The following ADH1B variants were observed in gnomAD, a reference collection of about 807,000 sequenced individuals.
ADH1B encodes the protein all-trans-retinol dehydrogenase [NAD(+)] ADH1B.
A neutral mutation model predicts 34.6 loss-of-function variants in ADH1B; 29 were observed. The observed-to-expected ratio is 0.84, with a 90% CI of 0.62 to 1.14. The LOEUF is 1.14. ADH1B is among the 50% of genes most tolerant of loss of function. The pLI is 0.00. For missense variants in ADH1B, 424 were observed against 468.4 expected, an observed-to-expected ratio of 0.91 and a Z score of 0.87; for synonymous variants, 170 against 175.5, an observed-to-expected ratio of 0.97 and a Z score of 0.25.
chr4:99,316,164 T>C, intron 4 of ADH1B, 47 bp from the exon 5 acceptor site: 1 of 1,613,998 alleles, frequency 6.2e-7, no homozygotes, highest in Non-Finnish European at 8.5e-7. Flanking sequence ...GACAGGAGCA[T>C]AAGTAATGTG....
In ADH1B at chr4:99,311,508, C is replaced by T; in HGVS notation, c.964+13G>A. 1 of 1,610,378 alleles carries T rather than the reference C, an allele frequency of 6.2e-7. No homozygotes were observed. The highest frequency in any genetic ancestry group is 1.7e-4 in the Middle Eastern group (1 of 6,040). Reference sequence around the variant, plus strand: ...GATTAATGAGAATTTGGCACTTGAGCCCAACTACATACCACCATAAACAGC... The same window carrying T: ...GATTAATGAGAATTTGGCACTTGAGTCCAACTACATACCACCATAAACAGC... On this transcript the variant is annotated intron_variant, in intron 7 of 8. Transcript: ENST00000305046.
intron 6 of ADH1B, 120 bp downstream of exon 6, chr4:99,313,701 G>T: frequency 6.5e-7 from 1 of 1,546,298 alleles, no homozygotes; most frequent in South Asian, 1.2e-5. Flanking sequence ...ACAAACAGAT[G>T]ATGGGAAATT....
rs1458778166 is a variant in ADH1B at position 99,315,953 on chromosome 4, C to A, written c.512G>T (p.Cys171Phe). Residue 171 changes from cysteine to phenylalanine, a missense_variant, in exon 5 of 9, where the codon TGC (cysteine) becomes TTC (phenylalanine). Around this residue, in one of 3 missense-constraint regions of ADH1B, gnomAD observed 291 missense variants for 300.4 expected, o/e 0.97. Transcript: ENST00000305046. The stretch of plus-strand genomic sequence containing the variant: ...AGTCGAGAATCCACAGCCAATGAGG[C>A]AGACTTTCTCCAGGGGCGAGGCTGC... ...IDAASPLEKV[C>F]LIGCGFSTGY... 1.2e-6 allele frequency: 2 copies of A among 1,614,210 alleles called. No individual in the cohort carries two copies. Among genetic ancestry groups the A allele is most frequent in the Non-Finnish European group, 8.5e-7 (1 of 1,180,032 alleles).
At chr4:99,313,576 C>G (rs1380538482) in intron 6 of ADH1B, 1 of 550,424 alleles carries the variant, frequency 1.8e-6, no homozygotes, top group Non-Finnish European at 3.0e-6. Context: ...TATAATTGCT[C>G]AGTTAAGAAA....
At chr4:99,313,635 T>C in intron 6 of ADH1B, 186 bp downstream of exon 6, 2 of 1,093,610 alleles carry the variant, frequency 1.8e-6, no homozygotes, top group Non-Finnish European at 2.6e-6. Context: ...TGAGACAGGT[T>C]TGGGTAATTG....
intron 8 of ADH1B, chr4:99,310,476 G>T (rs568558160): frequency 8.3e-6 from 3 of 361,110 alleles, no homozygotes; most frequent in East Asian, 7.6e-5. Context: ...TTTTTGTGGG[G>T]TTTTTTTTGG....
rs1733575001 is a variant in ADH1B at position 99,305,340 on chromosome 4, A to G, written c.*2500T>C. The G allele has an allele frequency of 6.6e-6, 1 of 150,452 alleles. No homozygotes were observed. The highest frequency in any genetic ancestry group is 1.5e-5 in the Non-Finnish European group (1 of 67,720). 9.3% of individuals were successfully genotyped at this position (150,452 alleles called of 1,614,324 possible). ...TTTATTTGTTTTCATATATCATGAG[A>G]AGTCAAAGAATCAAAGCAATATATT... On this transcript the variant is annotated 3_prime_UTR_variant, in exon 9 of 9. Coordinates refer to ENST00000305046, the MANE Select transcript of ADH1B (RefSeq NM_000668.6).
chr4:99,316,390 G>A, intron 3 of ADH1B, 88 bp from the exon 4 acceptor site: 4 of 1,313,396 alleles, frequency 3.0e-6, no homozygotes, highest in East Asian at 2.4e-5. Flanking sequence ...TTGATTAGAA[G>A]CATGTTTCTT....
chr4:99,318,123 G>A lies in ADH1B; in HGVS notation c.182C>T (p.Pro61Leu), dbSNP rs373714087. 3 of 1,613,898 alleles carry A rather than the reference G, an allele frequency of 1.9e-6. No individual in the cohort carries two copies. The highest frequency in any genetic ancestry group is 1.3e-5 in the African/African-American group (1 of 74,862). The change falls in exon 3 of 9, where the codon CCC (proline) becomes CTC (leucine). Residue 61 changes from proline (P) to leucine (L), a missense_variant. By Grantham distance (98) the Pro-to-Leu change is moderately conservative (BLOSUM62 -3). Transcript: ENST00000305046. ...DHVVSGNLVT[P>L]LPVILGHEAA... ...CTCATGGCCTAAAATCACAGGAAGG[G>A]GGGTCACCAGGTTGCCACTAACCAC... is the stretch of plus-strand genomic sequence containing the variant.
Position 99,313,928 on chromosome 4 carries a change from A to G in ADH1B, c.721T>C (p.Cys241Arg), listed in dbSNP as rs773852995. ...AKAKELGATE[C>R]INPQDYKKPI... ...TTCTTGTAGTCTTGAGGGTTGATGC[A>G]TTCAGTGGCACCCAACTCTTTGGCC... The change falls in exon 6 of 9, where the codon TGC becomes CGC. Residue 241 changes from cysteine (C) to arginine (R), a missense_variant. This residue lies in a region of ADH1B where 291 missense variants were observed against 300.4 expected (regional missense o/e 0.97). Coordinates refer to ENST00000305046, the MANE Select transcript of ADH1B (RefSeq NM_000668.6). The G allele has an allele frequency of 3.1e-6, 5 of 1,614,124 alleles. No individual in the cohort carries two copies. The highest frequency in any genetic ancestry group is 1.3e-5 in the African/African-American group (1 of 75,028).
At chr4:99,310,497 G>C in intron 8 of ADH1B, 1 of 408,150 alleles carries the variant, frequency 2.5e-6, no homozygotes, top group Non-Finnish European at 4.4e-6. Flanking sequence ...GCAAATGTGA[G>C]TGTTCTCTTT....
rs970032980 is a variant in ADH1B at position 99,318,146 on chromosome 4, C to A, written c.159G>T (p.Val53=). ...GGGGGGTCACCAGGTTGCCACTAAC[C>A]ACGTGGTCATCTGTGTGACAGATTC... ...AVGICHTDDH[V]VSGNLVTPLP... The change falls in exon 3 of 9, where the codon GTG becomes GTT. Residue 53 remains valine (V), a synonymous_variant. Transcript: ENST00000305046. 2 of 1,613,978 alleles carry A rather than the reference C, an allele frequency of 1.2e-6. No individual in the cohort carries two copies. The highest frequency in any genetic ancestry group is 2.2e-5 in the East Asian group (1 of 44,898).
At position 99,318,414 on chromosome 4, in the gene ADH1B, T is replaced by C. The variant is rs539116952; in HGVS notation, c.121-230A>G. On this transcript the variant is annotated intron_variant, in intron 2 of 8. Transcript: ENST00000305046. ...CAATTTAGAATAATCTGTGAAATAA[T>C]TGATTCTGAAATATTTAAGTCTTAT... is the stretch of plus-strand genomic sequence containing the variant. 1.5e-4 allele frequency: 89 copies of C among 590,570 alleles called. 1 individual carries two copies. Among genetic ancestry groups the C allele is most frequent in the Non-Finnish European group, 2.1e-4 (76 of 355,140 alleles). 36.6% of individuals were successfully genotyped at this position (590,570 alleles called of 1,614,324 possible).
intron 6 of ADH1B, 147 bp downstream of exon 6, chr4:99,313,674 A>C: frequency 1.4e-6 from 2 of 1,455,648 alleles, no homozygotes; most frequent in Non-Finnish European, 1.9e-6. Context: ...CATAACAAAA[A>C]TTAAACAAGC....
chr4:99,309,191 A>G (rs1467381191), intron 8 of ADH1B, among the ~76,000 whole-genome samples: 1 of 152,070 alleles, frequency 6.6e-6, no homozygotes, highest in Non-Finnish European at 1.5e-5. Context: ...ACAAGTAAAC[A>G]TATATGCATG....
chr4:99,310,649 G>T, intron 8 of ADH1B, 116 bp downstream of exon 8: 1 of 1,375,218 alleles, frequency 7.3e-7, no homozygotes, highest in Non-Finnish European at 9.8e-7. Flanking sequence ...GACTGAACTG[G>T]TAATGGAAAA....
chr4:99,307,118 A>C lies in ADH1B; in HGVS notation c.*722T>G, dbSNP rs1733628342. On this transcript the variant is annotated 3_prime_UTR_variant, in exon 9 of 9. Coordinates refer to ENST00000305046, the MANE Select transcript of ADH1B (RefSeq NM_000668.6). ...ATTTTTTGAACATGATTCTGGGAAT[A>C]GTTCAGTTTTTACAATTAGTAATTG... 1 of 152,246 alleles carries C rather than the reference A, an allele frequency of 6.6e-6. No individual in the cohort carries two copies. Among genetic ancestry groups the C allele is most frequent in the Non-Finnish European group, 1.5e-5 (1 of 68,040 alleles). 9.4% of individuals were successfully genotyped at this position (152,246 alleles called of 1,614,324 possible). A position where few individuals can be genotyped will look rare whatever the true frequency, so the allele number is the denominator to read the frequency against.
At chr4:99,309,317 A>T (rs1191320011) in intron 8 of ADH1B, among the ~76,000 whole-genome samples, 2 of 152,186 alleles carry the variant, frequency 1.3e-5, no homozygotes, top group Non-Finnish European at 2.9e-5. Flanking sequence ...CTTTTCCAAA[A>T]GTATGTATCA....
chr4:99,311,437 AG>A, intron 7 of ADH1B, 83 bp downstream of exon 7: 1 of 1,430,822 alleles, frequency 7.0e-7, no homozygotes, highest in Non-Finnish European at 9.4e-7. Flanking sequence ...CAATTGTAAA[AG>A]GGCATATATA....
Sources: gnomAD v4.1 joint callset for allele counts (sites outside exome capture counted in the v4.1 genomes callset) on GRCh38, gnomAD v4.1.1 for gene constraint, gnomAD v4.1.1 regional missense constraint, MANE v1.5 for transcripts, NCBI Gene and HGNC (gene_info 2026-07-23, HGNC 2026-07-21) for gene names.